The following PCBP3 variants were observed in gnomAD, a reference collection of about 807,000 sequenced individuals.
The protein encoded by PCBP3 is poly(rC)-binding protein 3.
A neutral mutation model predicts 52.7 loss-of-function variants in PCBP3; 25 were observed. The observed-to-expected ratio is 0.47, with a 90% CI of 0.35 to 0.66. The LOEUF (loss-of-function observed/expected upper bound fraction) is 0.66. PCBP3 is among the 30% of genes least tolerant of loss of function. PCBP3 has a pLI of 0.01. For missense variants in PCBP3, 391 were observed against 490.3 expected, an observed-to-expected ratio of 0.80 and a Z score of 1.91; for synonymous variants, 162 against 183.0, an observed-to-expected ratio of 0.89 and a Z score of 0.93.
intron 12 of PCBP3, chr21:45,916,995 G>T (rs571982682): frequency 6.6e-6 from 1 of 152,320 alleles, no homozygotes; most frequent in East Asian, 1.9e-4. Context: ...CCAAAATGAG[G>T]CCTCAGGAGC....
At chr21:45,756,891 T>C (rs2088103468) in intron 4 of PCBP3, among the ~76,000 whole-genome samples, 1 of 152,252 alleles carries the variant, frequency 6.6e-6, no homozygotes, top group South Asian at 2.1e-4. Context: ...ACATTTTGTT[T>C]ATCCATTATA....
intron 5 of PCBP3, among the ~76,000 whole-genome samples, chr21:45,893,151 G>C (rs2095721819): frequency 6.6e-6 from 1 of 152,150 alleles, no homozygotes. Flanking sequence ...GCCTATGGCA[G>C]TTGTGGGGTG....
chr21:45,900,875 C>A, intron 8 of PCBP3, 122 bp from the exon 9 acceptor site: 4 of 755,190 alleles, frequency 5.3e-6, no homozygotes, highest in South Asian at 4.5e-5. Context: ...ACTGTTCATT[C>A]ATGGTTTCCG....
chr21:45,800,042 TCA>T lies in PCBP3; in HGVS notation c.-126+44592_-126+44593del, dbSNP rs1241642050. Among the ~76,000 whole-genome samples the T allele has an allele frequency of 1.3e-5, 2 of 152,126 alleles. No homozygotes were observed. The highest frequency in any genetic ancestry group is 6.5e-5 in the Admixed American group (1 of 15,272). On this transcript the variant is annotated intron_variant, in intron 4 of 17. Coordinates refer to ENST00000681687, the MANE Select transcript of PCBP3 (RefSeq NM_001384156.1). This position sits in a 1 kb window ranked among gnomAD's most constrained non-coding sequence, Gnocchi z 5.3. ...CGCCCTCTGCCCACAGCTTGTTCTC[TCA>T]CTGTGAGAACCACCCAGTGATGGTT...
intron 5 of PCBP3, among the ~76,000 whole-genome samples, chr21:45,888,420 G>A (rs956450334): frequency 1.3e-5 from 2 of 152,354 alleles, no homozygotes; most frequent in African/African-American, 2.4e-5. Flanking sequence ...TGGGAACCGG[G>A]GCTAGAGCAG....
At chr21:45,803,854 C>T (rs574189386) in intron 4 of PCBP3, among the ~76,000 whole-genome samples, 67 of 152,322 alleles carry the variant, frequency 4.4e-4, no homozygotes, top group African/African-American at 1.4e-3. Context: ...GCCAGGGCAC[C>T]GGATGGCCCA....
chr21:45,660,374 G>C (rs997596902), intron 1 of PCBP3, among the ~76,000 whole-genome samples: 33 of 151,800 alleles, frequency 2.2e-4, no homozygotes, highest in African/African-American at 7.7e-4. Flanking sequence ...TGTCTTTCTT[G>C]TATACTACAT....
intron 9 of PCBP3, among the ~76,000 whole-genome samples, chr21:45,908,269 G>A (rs563508349): frequency 1.3e-5 from 2 of 152,234 alleles, no homozygotes; most frequent in South Asian, 2.1e-4. Context: ...GAGAGCGGGT[G>A]GCAGGAAGTG....
At chr21:45,768,132 A>G (rs2089527106) in intron 4 of PCBP3, among the ~76,000 whole-genome samples, 1 of 152,222 alleles carries the variant, frequency 6.6e-6, no homozygotes, top group Non-Finnish European at 1.5e-5. Flanking sequence ...ACTGTGGGGC[A>G]GTTGCCTTCT....
chr21:45,844,421 G>A (rs2093762645), intron 4 of PCBP3, among the ~76,000 whole-genome samples: 1 of 152,138 alleles, frequency 6.6e-6, no homozygotes. Flanking sequence ...AGCGCAAGGT[G>A]AGGGAGCCCT....
At position 45,900,986 on chromosome 21, in the gene PCBP3, T is replaced by C; in HGVS notation, c.223-11T>C. ...AATCAGGTCGCTGGGGTTTCTCTGC[T>C]CTCACCTTAGAGTGGTGCAAGGATC... On this transcript the variant is annotated splice_polypyrimidine_tract_variant and intron_variant, in intron 8 of 17. Transcript: ENST00000681687. 6.2e-7 allele frequency: 1 copy of C among 1,603,400 alleles called. No individual in the cohort carries two copies. Among genetic ancestry groups the C allele is most frequent in the Non-Finnish European group, 8.5e-7 (1 of 1,170,262 alleles).
intron 2 of PCBP3, among the ~76,000 whole-genome samples, chr21:45,714,045 C>T (rs2084040014): frequency 6.6e-6 from 1 of 152,160 alleles, no homozygotes; most frequent in Non-Finnish European, 1.5e-5. Context: ...TTTTGTCTTT[C>T]CTCTAAGGGC....
At chr21:45,742,206 A>G (rs1292608429) in intron 3 of PCBP3, among the ~76,000 whole-genome samples, 2 of 152,218 alleles carry the variant, frequency 1.3e-5, no homozygotes, top group African/African-American at 4.8e-5. Flanking sequence ...CAGTGTTCAC[A>G]CCTACAGAAT....
At chr21:45,858,400 T>G (rs954189304) in intron 5 of PCBP3, 3 of 152,336 alleles carry the variant, frequency 2.0e-5, no homozygotes, top group African/African-American at 7.2e-5. Flanking sequence ...GAGGAACGGC[T>G]TCTCGTCTTG....
intron 1 of PCBP3, among the ~76,000 whole-genome samples, chr21:45,661,859 ATTG>A (rs373836414): frequency 6.6e-6 from 1 of 152,066 alleles, no homozygotes; most frequent in Middle Eastern, 3.2e-3. Context: ...ATGATATCTC[ATTG>A]TTGTTTTAAT....
chr21:45,874,206 G>A (rs986468720), intron 5 of PCBP3, among the ~76,000 whole-genome samples: 5 of 152,204 alleles, frequency 3.3e-5, no homozygotes, highest in Admixed American at 6.5e-5. Flanking sequence ...AAAATAAATC[G>A]GCTCACTTTG....
At chr21:45,850,223 C>A in intron 5 of PCBP3, 128 bp downstream of exon 5, 2 of 780,044 alleles carry the variant, frequency 2.6e-6, no homozygotes, top group South Asian at 1.5e-5. Flanking sequence ...CTGCTTCAGT[C>A]CACAATGTGC....
In PCBP3 at chr21:45,645,655, C is replaced by T. The variant is rs2079203510; in HGVS notation, c.-279+1787C>T. On this transcript the variant is annotated intron_variant, in intron 1 of 17. Coordinates refer to ENST00000681687, the MANE Select transcript of PCBP3 (RefSeq NM_001384156.1). ...TTCTGAGGAGGCTGACAGCATGCTG[C>T]ATTTATAAATTTGAAAAAGCCTCAC... Among the ~76,000 whole-genome samples, 7 of 152,206 alleles carry T rather than the reference C, an allele frequency of 4.6e-5. No individual in the cohort carries two copies. In the South Asian group the frequency reaches 1.4e-3, roughly 31 times the overall value.
At chr21:45,742,624 G>C (rs1274233028) in intron 3 of PCBP3, among the ~76,000 whole-genome samples, 1 of 152,154 alleles carries the variant, frequency 6.6e-6, no homozygotes, top group East Asian at 1.9e-4. Flanking sequence ...GATTTAATTA[G>C]GTGTATGTTC....
Sources: gnomAD v4.1 joint callset for allele counts (sites outside exome capture counted in the v4.1 genomes callset) on GRCh38, gnomAD v4.1.1 for gene constraint, Gnocchi (gnomAD v3.1) non-coding constraint, MANE v1.5 for transcripts, NCBI Gene and HGNC (gene_info 2026-07-23, HGNC 2026-07-21) for gene names.